The following RAD51AP2 variants were observed in gnomAD, a reference collection of about 807,000 sequenced individuals.
The protein encoded by RAD51AP2 is RAD51 associated protein 2.
Under a neutral mutation model 85.5 loss-of-function variants are expected in RAD51AP2, and 67 were observed. The ratio of observed to expected loss-of-function variants is 0.78; its 90% CI spans 0.64 to 0.96. The LOEUF is 0.96. Among genes scored for constraint, RAD51AP2 ranks in the 40% least tolerant of loss-of-function variants. The pLI is 0.00. For missense variants in RAD51AP2, 1,307 were observed against 1,332.4 expected (o/e 0.98, Z 0.30); for synonymous variants, 474 against 446.5 (o/e 1.06, Z -0.78).
intron 1 of RAD51AP2, 48 bp downstream of exon 1, chr2:17,515,120 CA>C: frequency 7.0e-7 from 1 of 1,434,954 alleles, no homozygotes; most frequent in South Asian, 1.5e-5. Flanking sequence ...CAGAAAAAAG[CA>C]GTAATTTTTC....
intron 1 of RAD51AP2, 69 bp downstream of exon 1, chr2:17,515,100 T>G: frequency 8.1e-7 from 1 of 1,237,162 alleles, no homozygotes; most frequent in East Asian, 2.4e-5. Flanking sequence ...AATTATACAT[T>G]TGGCCTACAC....
chr2:17,527,763 G>A, the RAD51AP2 span, among the ~76,000 whole-genome samples: 1 of 152,152 alleles, frequency 6.6e-6, no homozygotes, highest in African/African-American at 2.4e-5. Flanking sequence ...GGATGAGGGT[G>A]AGGCATCTGA....
chr2:17,511,252 G>A (rs1021939647), intron 2 of RAD51AP2, among the ~76,000 whole-genome samples: 4 of 151,944 alleles, frequency 2.6e-5, no homozygotes, highest in Non-Finnish European at 5.9e-5. Flanking sequence ...AAACCATATA[G>A]GTTTTAAAGC....
chr2:17,521,641 G>A (rs1662858920), upstream of RAD51AP2, among the ~76,000 whole-genome samples: 1 of 151,736 alleles, frequency 6.6e-6, no homozygotes, highest in Non-Finnish European at 1.5e-5. Flanking sequence ...AAGCACTAGG[G>A]GAAAATAAGA....
chr2:17,510,920 G>A lies in RAD51AP2; in HGVS notation c.3364C>T (p.Pro1122Ser). ...ATTGGCCTACTGCATGTCTTAAGCG[G>A]TCGTACTCTTGAAATGCCATGTGGA... Reference protein sequence around the residue: ...HFPHGISRVRPLKTCSRPIRI... With the variant: ...HFPHGISRVRSLKTCSRPIRI... Residue 1122 changes from proline to serine, a missense_variant, in exon 3 of 3, where the codon CCG becomes TCG. Pro to Ser is a moderately conservative substitution (Grantham distance 74, BLOSUM62 -1). Transcript: ENST00000399080. 3 of 1,602,682 alleles carry A rather than the reference G, an allele frequency of 1.9e-6. No individual in the cohort carries two copies. Among genetic ancestry groups the A allele is most frequent in the Non-Finnish European group, 2.6e-6 (3 of 1,174,692 alleles).
Position 17,517,913 on chromosome 2 carries a change from T to C in RAD51AP2, c.503A>G (p.His168Arg), listed in dbSNP as rs750509914. Residue 168 changes from histidine (H) to arginine (R), a missense_variant, in exon 1 of 3, where the codon CAT becomes CGT. Physicochemically the swap from His to Arg is conservative, Grantham distance 29 (BLOSUM62 0). Around this residue, in one of 3 missense-constraint regions of RAD51AP2, gnomAD observed 635 missense variants for 643.6 expected, o/e 0.99. Coordinates refer to ENST00000399080, the MANE Select transcript of RAD51AP2 (RefSeq NM_001099218.3). The part of the protein sequence containing the change: ...LLPSTSIHDI[H>R]GIRNENRKQQ... ...TTTTCGATTCTCATTTCTAATTCCA[T>C]GTATATCGTGTATAGAGGTGCTGGG... 3 of 1,614,180 alleles carry C rather than the reference T, an allele frequency of 1.9e-6. No individual in the cohort carries two copies. Among genetic ancestry groups the C allele is most frequent in the Non-Finnish European group, 2.5e-6 (3 of 1,180,034 alleles).
upstream of RAD51AP2, among the ~76,000 whole-genome samples, chr2:17,520,244 T>C (rs1247541847): frequency 6.6e-6 from 1 of 152,192 alleles, no homozygotes; most frequent in African/African-American, 2.4e-5. Flanking sequence ...ATTTAAACAT[T>C]ATACTAATGG....
intron 1 of RAD51AP2, 27 bp from the exon 2 acceptor site, chr2:17,514,119 G>C (rs1662576351): frequency 7.9e-7 from 1 of 1,269,346 alleles, no homozygotes; most frequent in Admixed American, 1.9e-5. Context: ...ATATGTTACA[G>C]CAAAAAGTAA....
At chr2:17,527,633 T>C in the RAD51AP2 span, among the ~76,000 whole-genome samples, 1 of 152,152 alleles carries the variant, frequency 6.6e-6, no homozygotes, top group Non-Finnish European at 1.5e-5. Flanking sequence ...TACAGCTGCT[T>C]TGAGGGTAAG....
At chr2:17,515,121 A>T in intron 1 of RAD51AP2, 48 bp downstream of exon 1, 3 of 1,442,416 alleles carry the variant, frequency 2.1e-6, no homozygotes, top group Non-Finnish European at 2.8e-6. Context: ...AGAAAAAAGC[A>T]GTAATTTTTC....
Position 17,515,410 on chromosome 2 carries a change from T to C in RAD51AP2, c.3006A>G (p.Gly1002=). 6.2e-7 allele frequency: 1 copy of C among 1,612,244 alleles called. No homozygotes were observed. Among genetic ancestry groups the C allele is most frequent in the Non-Finnish European group, 8.5e-7 (1 of 1,179,580 alleles). ...ETNNGQENYF[G]ENDAEKVKME... is the part of the protein sequence containing the mutation. ...TTTTTACCTTCTCAGCATCATTTTC[T>C]CCAAAGTAATTTTCTTGCCCATTGT... Residue 1002 remains glycine, a synonymous_variant, in exon 1 of 3, where the codon GGA becomes GGG. Transcript: ENST00000399080.
the RAD51AP2 span, among the ~76,000 whole-genome samples, chr2:17,535,309 GCATAGAGCA>G: frequency 2.6e-5 from 4 of 152,202 alleles, no homozygotes; most frequent in Non-Finnish European, 5.9e-5. Context: ...GAACGGTTGA[GCATAGAGCA>G]CTAAAAAGAC....
Position 17,516,786 on chromosome 2 carries a change from T to A in RAD51AP2, c.1630A>T (p.Ile544Leu), listed in dbSNP as rs1451658445. 1.3e-6 allele frequency: 2 copies of A among 1,554,962 alleles called. No homozygotes were observed. The highest frequency in any genetic ancestry group is 2.8e-5 in the African/African-American group (2 of 72,528). The change falls in exon 1 of 3, where the codon ATA becomes TTA. Residue 544 changes from isoleucine (I) to leucine (L), a missense_variant. Transcript: ENST00000399080. ...NILKCKKQIGIIGIQNLITRN... is the reference protein window; with the variant it reads ...NILKCKKQIGLIGIQNLITRN... ...GTTATTAGATTTTGAATACCAATTA[T>A]ACCAATTTGCTTTTTACACTTCAAA...
chr2:17,521,339 A>T (rs1389560809), upstream of RAD51AP2, among the ~76,000 whole-genome samples: 2 of 152,152 alleles, frequency 1.3e-5, no homozygotes, highest in Non-Finnish European at 2.9e-5. Flanking sequence ...GACTTCAAAT[A>T]TTAGTGGTTT....
At position 17,518,376 on chromosome 2, in the gene RAD51AP2, T is replaced by A; in HGVS notation, c.40A>T (p.Arg14Ter). Reference sequence around the variant, plus strand: ...GGCGTTAAAGAGGAGGTAGGCTTTCTGAGCTCGGCCATCCGCGGCGTGGGC... The same window carrying A: ...GGCGTTAAAGAGGAGGTAGGCTTTCAGAGCTCGGCCATCCGCGGCGTGGGC... ...PQPTPRMAEL[R>*]KPTSSLTPPE... is the part of the protein sequence containing the mutation. Residue 14 changes from arginine to a stop codon, truncating the protein, a stop_gained, in exon 1 of 3, where the codon AGA (arginine) becomes TGA (stop). Coordinates refer to ENST00000399080, the MANE Select transcript of RAD51AP2 (RefSeq NM_001099218.3). LOFTEE classifies it high-confidence loss of function. 6.2e-7 allele frequency: 1 copy of A among 1,613,358 alleles called. No individual in the cohort carries two copies. Among genetic ancestry groups the A allele is most frequent in the Non-Finnish European group, 8.5e-7 (1 of 1,179,762 alleles).
the RAD51AP2 span, among the ~76,000 whole-genome samples, chr2:17,527,424 G>T: frequency 6.6e-6 from 1 of 152,158 alleles, no homozygotes; most frequent in Non-Finnish European, 1.5e-5. Context: ...TCAGGAAAAT[G>T]ATATATGTAA....
At chr2:17,511,515 T>C (rs1289025549) in intron 2 of RAD51AP2, among the ~76,000 whole-genome samples, 2 of 152,240 alleles carry the variant, frequency 1.3e-5, no homozygotes, top group Non-Finnish European at 2.9e-5. Flanking sequence ...CTAAATCAGT[T>C]ATGTAAAATC....
At chr2:17,536,949 G>C in the RAD51AP2 span, among the ~76,000 whole-genome samples, 2 of 152,174 alleles carry the variant, frequency 1.3e-5, no homozygotes, top group Non-Finnish European at 2.9e-5. Flanking sequence ...TGTATTCTAA[G>C]AGATACTTCC....
the RAD51AP2 span, among the ~76,000 whole-genome samples, chr2:17,535,959 AGAG>A: frequency 7.0e-6 from 1 of 142,676 alleles, no homozygotes; most frequent in Non-Finnish European, 1.5e-5. Flanking sequence ...AAAAAAAAAA[AGAG>A]GGATCCCACT....
Sources: gnomAD v4.1 joint callset for allele counts (sites outside exome capture counted in the v4.1 genomes callset) on GRCh38, gnomAD v4.1.1 for gene constraint, gnomAD v4.1.1 regional missense constraint, MANE v1.5 for transcripts, NCBI Gene and HGNC (gene_info 2026-07-23, HGNC 2026-07-21) for gene names.